The following STRN3 variants were observed in gnomAD, a reference collection of about 807,000 sequenced individuals.
The protein encoded by STRN3 is striatin-3.
STRN3 carries 29 observed loss-of-function variants against 95.6 expected under a neutral mutation model. That is an observed-to-expected ratio of 0.30 (90% CI 0.23 to 0.41). The LOEUF is 0.41. Ranked by LOEUF, STRN3 falls within the 10% of genes least tolerant of loss-of-function variation. The probability of loss-of-function intolerance (pLI) is 1.00; values close to 1 mark genes in which losing one functional copy is unlikely to be tolerated. For synonymous variants in STRN3, 331 were observed against 357.6 expected (o/e 0.93, Z 0.84); for missense variants, 890 against 972.1 (o/e 0.92, Z 1.12).
At chr14:31,022,889 G>A (rs12886365) in intron 1 of STRN3, among the ~76,000 whole-genome samples, 28,532 of 152,088 alleles carry the variant, frequency 0.19, 3,225 homozygotes, top group Non-Finnish European at 0.26. Flanking sequence ...TTTAGAAGTC[G>A]TAACATGATA....
chr14:30,917,452 C>A (rs1036683919), intron 9 of STRN3, among the ~76,000 whole-genome samples: 2 of 151,620 alleles, frequency 1.3e-5, no homozygotes, highest in Non-Finnish European at 2.9e-5. Context: ...AAAACCTGCA[C>A]TTTAAATGTA....
intron 1 of STRN3, among the ~76,000 whole-genome samples, chr14:30,978,672 T>C (rs758965560): frequency 3.9e-5 from 6 of 152,132 alleles, no homozygotes; most frequent in Non-Finnish European, 7.4e-5. Context: ...ATAGAACTGT[T>C]TGCGGATGAC....
At chr14:30,924,858 A>C (rs1170682074) in intron 8 of STRN3, among the ~76,000 whole-genome samples, 2 of 152,206 alleles carry the variant, frequency 1.3e-5, no homozygotes, top group Non-Finnish European at 2.9e-5. Context: ...CAAAATAAAA[A>C]AGAATATATT....
At chr14:30,911,300 T>A in intron 12 of STRN3, 138 bp from the exon 13 acceptor site, 2 of 812,602 alleles carry the variant, frequency 2.5e-6, no homozygotes, top group Non-Finnish European at 1.8e-6. Flanking sequence ...TGGTACTTTT[T>A]TTTTTTTTTT....
chr14:30,995,215 C>CA (rs1235807056), intron 1 of STRN3, among the ~76,000 whole-genome samples: 1 of 151,928 alleles, frequency 6.6e-6, no homozygotes, highest in African/African-American at 2.4e-5. Flanking sequence ...TTCATCTGTC[C>CA]AAAATGACAT....
intron 1 of STRN3, among the ~76,000 whole-genome samples, chr14:31,009,765 C>A (rs954796459): frequency 2.0e-5 from 3 of 151,876 alleles, no homozygotes; most frequent in Non-Finnish European, 2.9e-5. Context: ...AAAATAAAAT[C>A]TTAGTAAGTA....
chr14:30,984,131 C>CCT (rs1881546926), intron 1 of STRN3, among the ~76,000 whole-genome samples: 1 of 111,684 alleles, frequency 9.0e-6, no homozygotes, highest in Non-Finnish European at 1.9e-5. Flanking sequence ...TTCCCCGCCC[C>CCT]CCCCAACCCC....
rs535026613 is a variant in STRN3, at chr14:30,933,523, C to T, written c.988+1640G>A. Among the ~76,000 whole-genome samples, 6 of 151,996 alleles carry T rather than the reference C, an allele frequency of 3.9e-5. No individual in the cohort carries two copies. In the South Asian group the frequency reaches 1.2e-3, roughly 32 times the overall value. On this transcript the variant is annotated intron_variant, in intron 7 of 17. Transcript: ENST00000357479. ...GGAAAAAACAATACTTTTGAAGTTA[C>T]TGGAAAAAGATAAGGTATTTCCAAC...
chr14:31,018,704 C>T (rs1883361231), intron 1 of STRN3: 1 of 455,456 alleles, frequency 2.2e-6, no homozygotes, highest in Non-Finnish European at 4.3e-6. Context: ...TGTTGATAAA[C>T]TTGCAAAAAA....
At chr14:31,021,156 A>AAGGGAAAG (rs1258917272) in intron 1 of STRN3, among the ~76,000 whole-genome samples, 1 of 152,092 alleles carries the variant, frequency 6.6e-6, no homozygotes, top group Non-Finnish European at 1.5e-5. Context: ...GTGTTTTGTC[A>AAGGGAAAG]AGGGAAAGAG....
At chr14:31,005,059 C>A (rs1882652331) in intron 1 of STRN3, among the ~76,000 whole-genome samples, 1 of 152,142 alleles carries the variant, frequency 6.6e-6, no homozygotes, top group Non-Finnish European at 1.5e-5. Context: ...CAGCACTGGG[C>A]ACAGTGGCTC....
At chr14:30,993,728 G>A (rs996161037) in intron 1 of STRN3, among the ~76,000 whole-genome samples, 1 of 152,070 alleles carries the variant, frequency 6.6e-6, no homozygotes, top group Admixed American at 6.5e-5. Context: ...CGCCCAGGCT[G>A]GAGTGCAATA....
rs888662791 is a variant in STRN3, at chr14:31,006,240, A to G, written c.282+19664T>C. Among the ~76,000 whole-genome samples, 3 of 152,162 alleles carry G rather than the reference A, an allele frequency of 2.0e-5. No homozygotes were observed. In the East Asian group the frequency reaches 5.8e-4, roughly 29 times the overall value. Reference sequence around the variant, plus strand: ...TACTATGCTCAAAAAATTCCATTATATAAAGGTAATACCACCCTTTAAAAG... The same window carrying G: ...TACTATGCTCAAAAAATTCCATTATGTAAAGGTAATACCACCCTTTAAAAG... On this transcript the variant is annotated intron_variant, in intron 1 of 17. Transcript: ENST00000357479.
At chr14:30,907,837 T>C (rs1158510345) in intron 13 of STRN3, among the ~76,000 whole-genome samples, 4 of 152,348 alleles carry the variant, frequency 2.6e-5, no homozygotes, top group Admixed American at 1.3e-4. Context: ...GCTGATAACA[T>C]TGAGCATAAT....
intron 1 of STRN3, among the ~76,000 whole-genome samples, chr14:30,996,213 C>T (rs959474225): frequency 6.6e-5 from 10 of 152,160 alleles, no homozygotes; most frequent in African/African-American, 2.2e-4. Context: ...TGTAAGAAAA[C>T]AGGCTCTAAA....
chr14:30,983,850 T>G (rs1164074260), intron 1 of STRN3, among the ~76,000 whole-genome samples: 1 of 152,124 alleles, frequency 6.6e-6, no homozygotes, highest in African/African-American at 2.4e-5. Context: ...AAACACAGTC[T>G]CTATAATACA....
chr14:30,913,378 G>A, intron 10 of STRN3, 146 bp downstream of exon 10: 1 of 947,848 alleles, frequency 1.1e-6, no homozygotes, highest in Non-Finnish European at 1.4e-6. Context: ...AGTTATAAAA[G>A]AAAAACATGT....
In STRN3 at chr14:30,927,188, C is replaced by A. The variant is rs112024461; in HGVS notation, c.1099+2013G>T. ...ATTAGCCAGGTGTGGTGGCACGTGC[C>A]TATAGTCCCAGCTACTCAGGAGGCT... On this transcript the variant is annotated intron_variant, in intron 8 of 17. Coordinates refer to ENST00000357479, the MANE Select transcript of STRN3 (RefSeq NM_001083893.2). 4.6e-5 allele frequency among the ~76,000 whole-genome samples: 7 copies of A among 151,898 alleles called. 1 individual carries two copies.
At chr14:30,946,412 C>T (rs1015330414) in intron 5 of STRN3, among the ~76,000 whole-genome samples, 5 of 151,880 alleles carry the variant, frequency 3.3e-5, no homozygotes, top group African/African-American at 7.3e-5. Context: ...GGCATAGTGG[C>T]GCATGCCTGG....
Sources: gnomAD v4.1 joint callset for allele counts (sites outside exome capture counted in the v4.1 genomes callset) on GRCh38, gnomAD v4.1.1 for gene constraint, MANE v1.5 for transcripts, NCBI Gene and HGNC (gene_info 2026-07-23, HGNC 2026-07-21) for gene names.